Variants in SNAPC4 observed in about 807,000 individuals in gnomAD.
The protein encoded by SNAPC4 is small nuclear RNA activating complex polypeptide 4.
In SNAPC4, 127 loss-of-function variants were observed where a neutral mutation model predicts 151.3. The ratio of observed to expected loss-of-function variants is 0.84; its 90% CI spans 0.73 to 0.97. The LOEUF (loss-of-function observed/expected upper bound fraction) is 0.97, where lower values mean the gene tolerates loss of function less well. SNAPC4 is among the 50% of genes least tolerant of loss of function. SNAPC4 has a pLI of 0.00. For synonymous variants in SNAPC4, 1,002 were observed against 824.4 expected (o/e 1.22, Z -3.69); for missense variants, 2,186 against 1,935.0 (o/e 1.13, Z -2.43).
intron 22 of SNAPC4, among the ~76,000 whole-genome samples, chr9:136,376,776 G>A (rs1833462162): frequency 6.6e-6 from 1 of 152,196 alleles, no homozygotes; most frequent in African/African-American, 2.4e-5. Flanking sequence ...GGGCACAGAG[G>A]GCCTCTTCCC....
intron 7 of SNAPC4, among the ~76,000 whole-genome samples, chr9:136,393,476 A>G (rs986771945): frequency 1.3e-5 from 2 of 152,224 alleles, no homozygotes; most frequent in Non-Finnish European, 2.9e-5. Context: ...GACCAAAGTC[A>G]TCAGGACAGC....
intron 9 of SNAPC4, 96 bp downstream of exon 9, chr9:136,392,426 G>T: frequency 8.2e-7 from 1 of 1,212,998 alleles, no homozygotes; most frequent in South Asian, 1.2e-5. Context: ...CCTGTTGCCA[G>T]GGAGGGTGTG....
intron 1 of SNAPC4, among the ~76,000 whole-genome samples, 153 bp downstream of exon 1, chr9:136,399,981 C>G (rs952125859): frequency 2.6e-5 from 4 of 152,122 alleles, no homozygotes; most frequent in African/African-American, 9.7e-5. Flanking sequence ...CGGACGGGGG[C>G]CACGCCGGGC....
chr9:136,394,020 C>T (rs1834172455), intron 7 of SNAPC4, among the ~76,000 whole-genome samples: 1 of 152,218 alleles, frequency 6.6e-6, no homozygotes, highest in East Asian at 1.9e-4. Flanking sequence ...TGGGATCAAT[C>T]GATCCTCCCA....
chr9:136,377,911 G>C lies in SNAPC4; in HGVS notation c.3916C>G (p.Pro1306Ala). Residue 1306 changes from proline (P) to alanine (A), a missense_variant, in exon 22 of 24, where the codon CCA (proline) becomes GCA (alanine). Physicochemically the swap from Pro to Ala is conservative, Grantham distance 27. Transcript: ENST00000684778. ...LLGSRLPYQP[P>A]ALCSLRALSG... The stretch of plus-strand genomic sequence containing the variant: ...AGAGCTCGCAGGCTGCACAGGGCTG[G>C]GGGCTGATAGGGCAGTCTGCTGCCC... The C allele has an allele frequency of 6.2e-7, 1 of 1,610,840 alleles. No individual in the cohort carries two copies. Among genetic ancestry groups the C allele is most frequent in the South Asian group, 1.1e-5 (1 of 91,046 alleles).
In SNAPC4 at chr9:136,383,512, C is replaced by T. The variant is rs760131517; in HGVS notation, c.1657G>A (p.Gly553Arg). 1.3e-5 allele frequency: 20 copies of T among 1,582,512 alleles called. No individual in the cohort carries two copies. The highest frequency in any genetic ancestry group is 4.0e-5 in the African/African-American group (3 of 74,166). The change falls in exon 16 of 24, where the codon GGG becomes AGG. Residue 553 changes from glycine (G) to arginine (R), a missense_variant. Gly to Arg is a moderately radical substitution (Grantham distance 125, BLOSUM62 -2). Coordinates refer to ENST00000684778, the MANE Select transcript of SNAPC4 (RefSeq NM_003086.4). The surrounding 1 kb of genome is among the most constrained non-coding windows in gnomAD (Gnocchi z 4.2). The part of the protein sequence containing the change: ...EEDEPEQAQA[G>R]EGDRALLSPQ... ...GACAGCAGCGCTCTGTCACCCTCCC[C>T]GGCCTGCGCCTGCTCTGGCTCGTCC...
chr9:136,394,608 G>A (rs951242112), intron 6 of SNAPC4, among the ~76,000 whole-genome samples, 192 bp downstream of exon 6: 2 of 152,202 alleles, frequency 1.3e-5, no homozygotes, highest in African/African-American at 2.4e-5. Flanking sequence ...CCTCGTGACT[G>A]GTGTTCTGGA....
Position 136,383,155 on chromosome 9 carries a change from T to C in SNAPC4, c.1983+31A>G. 1 of 1,511,944 alleles carries C rather than the reference T, an allele frequency of 6.6e-7. No individual in the cohort carries two copies. Among genetic ancestry groups the C allele is most frequent in the Non-Finnish European group, 8.8e-7 (1 of 1,131,576 alleles). 93.7% of individuals were successfully genotyped at this position (1,511,944 alleles called of 1,614,324 possible). A position where few individuals can be genotyped will look rare whatever the true frequency, so the allele number is the denominator to read the frequency against. On this transcript the variant is annotated intron_variant, in intron 16 of 23. Transcript: ENST00000684778. This position sits in a 1 kb window ranked among gnomAD's most constrained non-coding sequence, Gnocchi z 4.2. ...TGGCGAGCGAGTGCCGAAAGTGCAC[T>C]TCCCGTGGTACACCCAGGGCCGGGG...
intron 10 of SNAPC4, among the ~76,000 whole-genome samples, chr9:136,388,839 A>G (rs571844409): frequency 1.3e-5 from 2 of 152,308 alleles, no homozygotes; most frequent in African/African-American, 4.8e-5. Context: ...ACTTAAGAAA[A>G]TATTAAGAAA....
chr9:136,380,808 C>G lies in SNAPC4; in HGVS notation c.2431G>C (p.Glu811Gln), dbSNP rs1318660355. 1 of 1,611,804 alleles carries G rather than the reference C, an allele frequency of 6.2e-7. No homozygotes were observed. The highest frequency in any genetic ancestry group is 1.1e-5 in the South Asian group (1 of 91,066). Reference sequence around the variant, plus strand: ...AGCCTGGGTGGCAGGGCCTTCCTCTCTCGGACGACCTCCAAGCAGCCGGCA... The same window carrying G: ...AGCCTGGGTGGCAGGGCCTTCCTCTGTCGGACGACCTCCAAGCAGCCGGCA... The part of the protein sequence containing the change: ...DTAGCLEVVR[E>Q]RKALPPRLPQ... The change falls in exon 20 of 24, where the codon GAG (glutamate) becomes CAG (glutamine). Residue 811 changes from glutamate to glutamine, a missense_variant. Transcript: ENST00000684778.
In SNAPC4 at chr9:136,392,578, C is replaced by G; in HGVS notation, c.754G>C (p.Ala252Pro). The change falls in exon 9 of 24, where the codon GCC (alanine) becomes CCC (proline). Residue 252 changes from alanine to proline, a missense_variant. Transcript: ENST00000684778. ...IQDINQLPEE[A>P]LLGNRLDSHD... is the part of the protein sequence containing the mutation. Reference sequence around the variant, plus strand: ...CTGTCCAGCCTGTTTCCCAGCAAGGCCTCTTCTGGAAGCTGGCTGGTGGAA... The same window carrying G: ...CTGTCCAGCCTGTTTCCCAGCAAGGGCTCTTCTGGAAGCTGGCTGGTGGAA... 1 of 1,613,910 alleles carries G rather than the reference C, an allele frequency of 6.2e-7. No individual in the cohort carries two copies. The highest frequency in any genetic ancestry group is 8.5e-7 in the Non-Finnish European group (1 of 1,180,028).
In SNAPC4 at chr9:136,383,441, C is replaced by T; in HGVS notation, c.1728G>A (p.Arg576=). Reference sequence around the variant, plus strand: ...CTCTCCATGGCTGGCTGGTGCTCTGCCTGGCAGGAACCCACAGGTCCATGT... The same window carrying T: ...CTCTCCATGGCTGGCTGGTGCTCTGTCTGGCAGGAACCCACAGGTCCATGT... ...VPDMDLWVPA[R]QSTSQPWRGG... is the part of the protein sequence containing the mutation. Residue 576 remains arginine (R), a synonymous_variant, in exon 16 of 24, where the codon AGG becomes AGA. Coordinates refer to ENST00000684778, the MANE Select transcript of SNAPC4 (RefSeq NM_003086.4). This position sits in a 1 kb window ranked among gnomAD's most constrained non-coding sequence, Gnocchi z 4.2. 1 of 1,562,738 alleles carries T rather than the reference C, an allele frequency of 6.4e-7. No individual in the cohort carries two copies. Among genetic ancestry groups the T allele is most frequent in the Non-Finnish European group, 8.7e-7 (1 of 1,153,688 alleles).
intron 11 of SNAPC4, among the ~76,000 whole-genome samples, chr9:136,388,120 A>G (rs968697101): frequency 1.3e-5 from 2 of 152,134 alleles, no homozygotes; most frequent in Non-Finnish European, 2.9e-5. Context: ...ATACAAAATT[A>G]GCTGGGCGTG....
At position 136,383,277 on chromosome 9, in the gene SNAPC4, G is replaced by A. The variant is rs201165042; in HGVS notation, c.1892C>T (p.Pro631Leu). 4 of 1,611,644 alleles carry A rather than the reference G, an allele frequency of 2.5e-6. No individual in the cohort carries two copies. Among genetic ancestry groups the A allele is most frequent in the East Asian group, 2.2e-5 (1 of 44,870 alleles). Residue 631 changes from proline to leucine, a missense_variant, in exon 16 of 24, where the codon CCT becomes CTT. By Grantham distance (98) the Pro-to-Leu change is moderately conservative (BLOSUM62 -3). Transcript: ENST00000684778. This position sits in a 1 kb window ranked among gnomAD's most constrained non-coding sequence, Gnocchi z 4.2. ...CGGGACAGGGCCGTGGGCCCTGGCAGGGACCTGCACCGGACTCGTCTCCTC... is the reference window on the plus strand; with the variant it reads ...CGGGACAGGGCCGTGGGCCCTGGCAAGGACCTGCACCGGACTCGTCTCCTC... ...PGEETSPVQV[P>L]ARAHGPVPRS...
Position 136,394,921 on chromosome 9 carries a change from G to A in SNAPC4, c.472-43C>T, listed in dbSNP as rs1413961552. 4.5e-6 allele frequency: 7 copies of A among 1,555,814 alleles called. No homozygotes were observed. The South Asian group carries it at 7.8e-5, about 17-fold the overall frequency. On this transcript the variant is annotated intron_variant, in intron 5 of 23. Transcript: ENST00000684778. The stretch of plus-strand genomic sequence containing the variant: ...ATCACCACAAGCACAGGCCACATGT[G>A]CTCCCTGCAGGCCCAGCACATCCCT...
intron 13 of SNAPC4, among the ~76,000 whole-genome samples, chr9:136,385,157 T>A (rs1452258910): frequency 6.6e-6 from 1 of 152,198 alleles, no homozygotes; most frequent in Non-Finnish European, 1.5e-5. Flanking sequence ...TCTAAAAACC[T>A]ATTTCTATGA....
In SNAPC4 at chr9:136,377,464, C is replaced by T. The variant is rs1054884973; in HGVS notation, c.4284+79G>A. 32 of 1,462,166 alleles carry T rather than the reference C, an allele frequency of 2.2e-5. No homozygotes were observed. The African/African-American group carries it at 3.7e-4, about 17-fold the overall frequency. 90.6% of individuals were successfully genotyped at this position (1,462,166 alleles called of 1,614,324 possible). A position where few individuals can be genotyped will look rare whatever the true frequency, so the allele number is the denominator to read the frequency against. ...TGCCCGCAACTTCCACCAGCCCCCA[C>T]CCCACTGCTCCAGGCAGGCGAGGGC... On this transcript the variant is annotated intron_variant, in intron 22 of 23. Transcript: ENST00000684778.
intron 10 of SNAPC4, 47 bp downstream of exon 10, chr9:136,391,895 C>G (rs755767891): frequency 6.4e-7 from 1 of 1,572,908 alleles, no homozygotes; most frequent in Admixed American, 1.7e-5. Context: ...ATAGGGCCCA[C>G]ACGCCCTCAG....
In SNAPC4 at chr9:136,378,862, G is replaced by A. The variant is rs775441407; in HGVS notation, c.2965C>T (p.Leu989Phe). 5 of 1,609,836 alleles carry A rather than the reference G, an allele frequency of 3.1e-6. No homozygotes were observed. Among genetic ancestry groups the A allele is most frequent in the Non-Finnish European group, 4.2e-6 (5 of 1,178,674 alleles). The change falls in exon 22 of 24, where the codon CTC (leucine) becomes TTC (phenylalanine). Residue 989 changes from leucine (L) to phenylalanine (F), a missense_variant. Physicochemically the swap from Leu to Phe is conservative, Grantham distance 22. Coordinates refer to ENST00000684778, the MANE Select transcript of SNAPC4 (RefSeq NM_003086.4). The stretch of plus-strand genomic sequence containing the variant: ...TCGGCCTCTGAGAAGACAGGAGCGA[G>A]GGGCAGGGCTTGCATGGTGGAGAGT... Reference protein sequence around the residue: ...KRLSTMQALPLAPVFSEAEGT... With the variant: ...KRLSTMQALPFAPVFSEAEGT...
Sources: gnomAD v4.1 joint callset for allele counts (sites outside exome capture counted in the v4.1 genomes callset) on GRCh38, gnomAD v4.1.1 for gene constraint, Gnocchi (gnomAD v3.1) non-coding constraint, MANE v1.5 for transcripts, NCBI Gene and HGNC (gene_info 2026-07-23, HGNC 2026-07-21) for gene names.